The following PLCD1 variants were observed in gnomAD, a reference collection of about 807,000 sequenced individuals.
PLCD1 encodes the protein phospholipase C delta 1.
A neutral mutation model predicts 87.4 loss-of-function variants in PLCD1; 71 were observed. The observed-to-expected ratio is 0.81, with a 90% CI of 0.67 to 0.99. PLCD1 has a LOEUF of 0.99. Among genes scored for constraint, PLCD1 ranks in the 50% least tolerant of loss-of-function variants. The pLI, the probability that PLCD1 is intolerant of heterozygous loss-of-function variation, is 0.00. For missense variants in PLCD1, 867 were observed against 1,001.5 expected (o/e 0.87, Z 1.81); for synonymous variants, 348 against 399.2 (o/e 0.87, Z 1.53).
At chr3:38,015,669 C>T (rs1700144275) in intron 3 of PLCD1, among the ~76,000 whole-genome samples, 2 of 152,198 alleles carry the variant, frequency 1.3e-5, no homozygotes, top group Admixed American at 6.5e-5. Flanking sequence ...AGAAGCCCGA[C>T]CACTTCGAAT....
intron 1 of PLCD1, among the ~76,000 whole-genome samples, chr3:38,021,272 C>G (rs1700229805): frequency 6.6e-6 from 1 of 152,194 alleles, no homozygotes; most frequent in African/African-American, 2.4e-5. Flanking sequence ...TGCCCCAGCC[C>G]CATCTCAGAG....
chr3:38,012,314 A>G (rs186395930), intron 3 of PLCD1, among the ~76,000 whole-genome samples: 1 of 151,646 alleles, frequency 6.6e-6, no homozygotes, highest in Admixed American at 6.6e-5. Flanking sequence ...CTGGTTTTCA[A>G]CATATAATAT....
chr3:38,025,414 G>A lies in PLCD1; in HGVS notation c.34+4092C>T, dbSNP rs1283798709. On this transcript the variant is annotated intron_variant, in intron 1 of 14. Transcript: ENST00000334661. The surrounding 1 kb of genome is among the most constrained non-coding windows in gnomAD (Gnocchi z 4.0). ...TCTAGCGGGGACCTGAGTGGGGCGA[G>A]ATCAGGCGGGACCGGGGATGGAGCC... Among the ~76,000 whole-genome samples, 1 of 152,166 alleles carries A rather than the reference G, an allele frequency of 6.6e-6. No homozygotes were observed. The highest frequency in any genetic ancestry group is 1.5e-5 in the Non-Finnish European group (1 of 68,024).
At chr3:38,007,880 G>A (rs757726163) in intron 14 of PLCD1, 22 bp from the exon 15 acceptor site, 1 of 1,611,100 alleles carries the variant, frequency 6.2e-7, no homozygotes, top group South Asian at 1.1e-5. Context: ...ACAGGCAGGA[G>A]GGAACACAGA....
rs1575347404 is a variant in PLCD1, at chr3:38,010,258, C to T, written c.1010G>A (p.Cys337Tyr). ...EAYIRALCKG[C>Y]RCLELDCWDG... ...CCAGCAGTCAAGCTCCAGGCATCGG[C>T]AGCCTTTGCACAGTGCCCTGCGGGG... The change falls in exon 7 of 15, where the codon TGC becomes TAC. Residue 337 changes from cysteine (C) to tyrosine (Y), a missense_variant. Transcript: ENST00000334661. 1 of 1,614,238 alleles carries T rather than the reference C, an allele frequency of 6.2e-7. No individual in the cohort carries two copies. Among genetic ancestry groups the T allele is most frequent in the East Asian group, 2.2e-5 (1 of 44,882 alleles).
rs1700191213 is a variant in PLCD1 at position 38,018,665 on chromosome 3, T to A, written c.199+1523A>T. 6.6e-6 allele frequency among the ~76,000 whole-genome samples: 1 copy of A among 151,950 alleles called. No individual in the cohort carries two copies. On this transcript the variant is annotated intron_variant, in intron 2 of 14. Transcript: ENST00000334661. This position sits in a 1 kb window ranked among gnomAD's most constrained non-coding sequence, Gnocchi z 5.7. The stretch of plus-strand genomic sequence containing the variant: ...CGGTAGGTAGGTGGGCTCCAGGGAA[T>A]CCCCAGGGCTCAGAGTATAAGATCC...
rs755115985 is a variant in PLCD1 at position 38,020,344 on chromosome 3, C to T, written c.43G>A (p.Asp15Asn). The change falls in exon 2 of 15, where the codon GAT (aspartate) becomes AAT (asparagine). Residue 15 changes from aspartate (D) to asparagine (N), a missense_variant. Asp to Asn is a conservative substitution (Grantham distance 23, BLOSUM62 1). Transcript: ENST00000334661. ...AGCAGCGCCTGTAGATCCTCATCAT[C>T]CTGTAGGCCTGGGGATCAAAGCCAG... ...RDFLTLHGLQ[D>N]DEDLQALLKG... 1.7e-5 allele frequency: 28 copies of T among 1,613,884 alleles called. No individual in the cohort carries two copies. The highest frequency in any genetic ancestry group is 2.3e-5 in the Non-Finnish European group (27 of 1,180,014).
At chr3:38,012,516 G>GTTTT (rs1207854387) in intron 3 of PLCD1, among the ~76,000 whole-genome samples, 2 of 134,658 alleles carry the variant, frequency 1.5e-5, no homozygotes, top group South Asian at 2.4e-4. Context: ...TTAGAATGAA[G>GTTTT]TTTTTTTTTT....
chr3:38,014,721 G>A (rs1700129879), intron 3 of PLCD1: 1 of 153,142 alleles, frequency 6.5e-6, no homozygotes, highest in African/African-American at 2.4e-5. Flanking sequence ...GAAATTATTT[G>A]CAAGCATAAA....
At position 38,025,396 on chromosome 3, in the gene PLCD1, G is replaced by C. The variant is rs1700298541; in HGVS notation, c.34+4110C>G. Among the ~76,000 whole-genome samples, 1 of 152,180 alleles carries C rather than the reference G, an allele frequency of 6.6e-6. No individual in the cohort carries two copies. Among genetic ancestry groups the C allele is most frequent in the South Asian group, 2.1e-4 (1 of 4,830 alleles). On this transcript the variant is annotated intron_variant, in intron 1 of 14. Transcript: ENST00000334661. The surrounding 1 kb of genome is among the most constrained non-coding windows in gnomAD (Gnocchi z 4.0). ...GTGGGAGGTGGATGGCAGTCTAGCG[G>C]GGACCTGAGTGGGGCGAGATCAGGC...
At chr3:38,009,595 C>G in intron 9 of PLCD1, 58 bp downstream of exon 9, 2 of 1,607,278 alleles carry the variant, frequency 1.2e-6, no homozygotes, top group Admixed American at 1.7e-5. Context: ...GCAGACCTCC[C>G]ACGGGTGAGG....
Position 38,007,567 on chromosome 3 carries a change from T to C in PLCD1, c.*206A>G. On this transcript the variant is annotated 3_prime_UTR_variant, in exon 15 of 15. Coordinates refer to ENST00000334661, the MANE Select transcript of PLCD1 (RefSeq NM_006225.4). The stretch of plus-strand genomic sequence containing the variant: ...CGGAGGGTGGAGAGGGCTGCAGTGT[T>C]ATTCCTAACGGAATGAAGGACAGCT... 1.4e-6 allele frequency: 1 copy of C among 697,912 alleles called. No individual in the cohort carries two copies. The highest frequency in any genetic ancestry group is 2.6e-6 in the Non-Finnish European group (1 of 382,878). The allele number at this position is 697,912 out of a possible 1,614,324, so 43.2% of individuals were successfully genotyped here.
intron 1 of PLCD1, 76 bp from the exon 2 acceptor site, chr3:38,020,428 C>T: frequency 1.4e-6 from 2 of 1,380,912 alleles, no homozygotes; most frequent in Non-Finnish European, 2.1e-6. Flanking sequence ...CTGGCCATGC[C>T]CACCTCGACC....
At chr3:38,015,455 A>G (rs1001994054) in intron 3 of PLCD1, among the ~76,000 whole-genome samples, 4 of 152,226 alleles carry the variant, frequency 2.6e-5, no homozygotes, top group African/African-American at 9.6e-5. Flanking sequence ...CTGACTGCTA[A>G]GGGGTACAGT....
At chr3:38,024,524 C>G (rs1329207028) in intron 1 of PLCD1, 1 of 1,522,320 alleles carries the variant, frequency 6.6e-7, no homozygotes, top group South Asian at 1.2e-5. Context: ...CTGCTCTGGT[C>G]CGGGGGGCGG....
rs778295555 is a variant in PLCD1, at chr3:38,029,531, C to T, written c.9G>A (p.Ser3=). 4.5e-6 allele frequency: 7 copies of T among 1,538,650 alleles called. No homozygotes were observed. In the South Asian group the frequency reaches 4.8e-5, roughly 10 times the overall value. Residue 3 remains serine (S), a synonymous_variant, in exon 1 of 15, where the codon TCG becomes TCA. Coordinates refer to ENST00000334661, the MANE Select transcript of PLCD1 (RefSeq NM_006225.4). ...CGTGCAGGGTCAGGAAGTCCCGGCC[C>T]GAGTCCATGCCCGACGGGCGGCGCG... is the stretch of plus-strand genomic sequence containing the variant. The part of the protein sequence containing the change: MD[S]GRDFLTLHGL...
Position 38,009,690 on chromosome 3 carries a change from T to C in PLCD1, c.1409A>G (p.Asp470Gly). 2 of 1,614,100 alleles carry C rather than the reference T, an allele frequency of 1.2e-6. No individual in the cohort carries two copies. The highest frequency in any genetic ancestry group is 1.7e-6 in the Non-Finnish European group (2 of 1,180,000). ...SDEDEAAEME[D>G]EAVRSRVQHK... ...CTGCACACGGCTCCTCACTGCCTCA[T>C]CCTCCATCTCAGCAGCCTCGTCTTC... is the stretch of plus-strand genomic sequence containing the variant. The change falls in exon 9 of 15, where the codon GAT (aspartate) becomes GGT (glycine). Residue 470 changes from aspartate to glycine, a missense_variant. Coordinates refer to ENST00000334661, the MANE Select transcript of PLCD1 (RefSeq NM_006225.4).
In PLCD1 at chr3:38,025,785, T is replaced by C. The variant is rs1161291039; in HGVS notation, c.34+3721A>G. Among the ~76,000 whole-genome samples, 3 of 152,184 alleles carry C rather than the reference T, an allele frequency of 2.0e-5. No individual in the cohort carries two copies. Among genetic ancestry groups the C allele is most frequent in the Non-Finnish European group, 4.4e-5 (3 of 68,040 alleles). ...ACCCAGTAATTATTTATTGAGCCCCTACTGTGTGCCAATGTCAGGACACCA... is the reference window on the plus strand; with the variant it reads ...ACCCAGTAATTATTTATTGAGCCCCCACTGTGTGCCAATGTCAGGACACCA... On this transcript the variant is annotated intron_variant, in intron 1 of 14. Transcript: ENST00000334661. This position sits in a 1 kb window ranked among gnomAD's most constrained non-coding sequence, Gnocchi z 4.0.
At chr3:38,016,946 A>T (rs1011998356) in intron 2 of PLCD1, among the ~76,000 whole-genome samples, 1 of 152,172 alleles carries the variant, frequency 6.6e-6, no homozygotes, top group African/African-American at 2.4e-5. Context: ...ACAGAGCATG[A>T]GACACAGTCA....
Sources: allele counts gnomAD v4.1 joint callset (sites outside exome capture counted in the v4.1 genomes callset), GRCh38; gene constraint gnomAD v4.1.1; non-coding constraint Gnocchi (gnomAD v3.1); transcripts MANE v1.5; gene names NCBI Gene and HGNC (gene_info 2026-07-23, HGNC 2026-07-21).